CNKSR3: variants seen among roughly 807,000 people sequenced by gnomAD.
CNKSR3 encodes CNKSR family member 3.
CNKSR3 carries 36 observed loss-of-function variants against 67.7 expected under a neutral mutation model. That is an observed-to-expected ratio of 0.53 (90% CI 0.41 to 0.70). CNKSR3 has a LOEUF of 0.70. CNKSR3 is among the 30% of genes least tolerant of loss of function. The pLI is 0.00. For missense variants in CNKSR3, 630 were observed against 695.2 expected (o/e 0.91, Z 1.05); for synonymous variants, 281 against 271.4 (o/e 1.04, Z -0.35).
intron 6 of CNKSR3, 64 bp downstream of exon 6, chr6:154,430,408 T>C: frequency 6.8e-7 from 1 of 1,477,994 alleles, no homozygotes; most frequent in Non-Finnish European, 9.1e-7. Flanking sequence ...AGGAATTTTT[T>C]TAAAAATTTA....
chr6:154,485,962 A>G (rs1582897368), intron 1 of CNKSR3, among the ~76,000 whole-genome samples: 1 of 152,200 alleles, frequency 6.6e-6, no homozygotes, highest in Non-Finnish European at 1.5e-5. Context: ...TGCCAGGACA[A>G]TAACTCACTG....
chr6:154,463,100 CT>C (rs1028624720), intron 1 of CNKSR3, among the ~76,000 whole-genome samples: 3 of 150,116 alleles, frequency 2.0e-5, no homozygotes, highest in Admixed American at 2.0e-4. Flanking sequence ...TCACCTTTTT[CT>C]TTTTTTCTTT....
Position 154,393,204 on chromosome 6 carries a change from GCA to G in CNKSR3, c.*13148_*13149del, listed in dbSNP as rs1784626335. ...GCTGGGATTGTAGGTGTGAGCCACT[GCA>G]CCCACCTACTTAGTGTTTCTAATCC... is the stretch of plus-strand genomic sequence containing the variant. On this transcript the variant is annotated 3_prime_UTR_variant, in exon 13 of 13. Transcript: ENST00000607772. The G allele has an allele frequency of 6.6e-6, 1 of 152,184 alleles. No homozygotes were observed. The highest frequency in any genetic ancestry group is 6.5e-5 in the Admixed American group (1 of 15,272). 9.4% of individuals were successfully genotyped at this position (152,184 alleles called of 1,614,324 possible).
intron 3 of CNKSR3, 105 bp downstream of exon 3, chr6:154,441,983 T>C (rs1411841315): frequency 7.5e-6 from 8 of 1,073,742 alleles, no homozygotes; most frequent in Non-Finnish European, 1.1e-5. Flanking sequence ...GTAAAAATGA[T>C]ATGAAAAGAA....
intron 1 of CNKSR3, among the ~76,000 whole-genome samples, chr6:154,491,506 A>G (rs1361433113): frequency 6.6e-6 from 1 of 152,256 alleles, no homozygotes; most frequent in Non-Finnish European, 1.5e-5. Context: ...AATGTTTCAG[A>G]TAAATCTTAA....
rs1174919957 is a variant in CNKSR3, at chr6:154,430,372, T to C, written c.669+100A>G. The C allele has an allele frequency of 9.1e-6, 10 of 1,095,148 alleles. No homozygotes were observed. In the East Asian group the frequency reaches 2.6e-4, roughly 29 times the overall value. 67.8% of individuals were successfully genotyped at this position (1,095,148 alleles called of 1,614,324 possible). A position where few individuals can be genotyped will look rare whatever the true frequency, so the allele number is the denominator to read the frequency against. On this transcript the variant is annotated intron_variant, in intron 6 of 12. Transcript: ENST00000607772. ...GGAAGGCAGTCTAAATTAATTCTGC[T>C]TTTCAGAATTATAGTGAAAGCAATA...
intron 1 of CNKSR3, among the ~76,000 whole-genome samples, chr6:154,450,479 A>G (rs2128719200): frequency 6.6e-6 from 1 of 152,360 alleles, no homozygotes; most frequent in African/African-American, 2.4e-5. Flanking sequence ...ACAGAATTTT[A>G]TGATAGTTAC....
intron 2 of CNKSR3, among the ~76,000 whole-genome samples, chr6:154,448,893 T>C (rs749504664): frequency 2.6e-5 from 4 of 152,206 alleles, no homozygotes; most frequent in Admixed American, 2.6e-4. Context: ...TGTAATTGTA[T>C]ATACCCCTGG....
chr6:154,487,062 C>T (rs994430155), intron 1 of CNKSR3, among the ~76,000 whole-genome samples: 8 of 152,198 alleles, frequency 5.3e-5, no homozygotes, highest in Non-Finnish European at 1.2e-4. Context: ...CAGGCACGTG[C>T]CACCACACCC....
At chr6:154,460,095 G>A (rs766332218) in intron 1 of CNKSR3, among the ~76,000 whole-genome samples, 2 of 152,214 alleles carry the variant, frequency 1.3e-5, no homozygotes, top group African/African-American at 2.4e-5. Context: ...TAGCCATGGA[G>A]GGAGAAGCAC....
At chr6:154,474,732 T>C (rs1256396046) in intron 1 of CNKSR3, among the ~76,000 whole-genome samples, 1 of 152,118 alleles carries the variant, frequency 6.6e-6, no homozygotes, top group Non-Finnish European at 1.5e-5. Context: ...GATGATGGAC[T>C]ACGACATCAC....
In CNKSR3 at chr6:154,406,554, CGGTCGTG is replaced by C; in HGVS notation, c.1461_1467del (p.Thr488SerfsTer64). ...TCCGCACCCCGGACCAGATGCCGCT[CGGTCGTG>C]GGTCTGGAGAACCGGTATGGGGGAG... is the stretch of plus-strand genomic sequence containing the variant. On this transcript the variant is annotated frameshift_variant, in exon 13 of 13. Transcript: ENST00000607772. LOFTEE classifies it high-confidence loss of function. 6.2e-7 allele frequency: 1 copy of C among 1,614,192 alleles called. No homozygotes were observed. The highest frequency in any genetic ancestry group is 2.2e-5 in the East Asian group (1 of 44,880).
chr6:154,481,592 G>C (rs937279256), intron 1 of CNKSR3, among the ~76,000 whole-genome samples: 6 of 152,154 alleles, frequency 3.9e-5, no homozygotes, highest in Non-Finnish European at 8.8e-5. Context: ...GAGGAACACA[G>C]GCACATGCTG....
chr6:154,502,195 CT>C (rs34790675), intron 1 of CNKSR3, among the ~76,000 whole-genome samples: 1,949 of 143,816 alleles, frequency 0.014, 42 homozygotes, highest in African/African-American at 0.044. Flanking sequence ...TATATTTCTT[CT>C]TTTTTTTTTT....
chr6:154,418,241 G>A (rs1042921072), intron 9 of CNKSR3, among the ~76,000 whole-genome samples: 7 of 152,186 alleles, frequency 4.6e-5, no homozygotes, highest in African/African-American at 1.4e-4. Flanking sequence ...TCAAGGCTAC[G>A]CTGCACCTGA....
intron 12 of CNKSR3, 69 bp from the exon 13 acceptor site, chr6:154,406,721 G>A: frequency 2.1e-6 from 3 of 1,408,678 alleles, no homozygotes; most frequent in Middle Eastern, 2.0e-4. Flanking sequence ...TGTAATCTCC[G>A]CACTTTGGGA....
chr6:154,484,347 C>T (rs1171617796), intron 1 of CNKSR3, among the ~76,000 whole-genome samples: 1 of 152,176 alleles, frequency 6.6e-6, no homozygotes, highest in African/African-American at 2.4e-5. Flanking sequence ...GGCTGTCATC[C>T]AGTTCACCAA....
chr6:154,485,180 A>G (rs960630248), intron 1 of CNKSR3, among the ~76,000 whole-genome samples: 1 of 152,238 alleles, frequency 6.6e-6, no homozygotes, highest in African/African-American at 2.4e-5. Flanking sequence ...ACATCTCCCT[A>G]CACAGAGTTC....
intron 1 of CNKSR3, among the ~76,000 whole-genome samples, chr6:154,474,306 G>T (rs539519627): frequency 5.3e-5 from 8 of 151,416 alleles, no homozygotes; most frequent in African/African-American, 1.9e-4. Flanking sequence ...CCAGCTACTC[G>T]GGAGGCTGAG....
Sources: allele counts gnomAD v4.1 joint callset (sites outside exome capture counted in the v4.1 genomes callset), GRCh38; gene constraint gnomAD v4.1.1; transcripts MANE v1.5; gene names NCBI Gene and HGNC (gene_info 2026-07-23, HGNC 2026-07-21).